Variants in SYT2 observed in about 807,000 individuals in gnomAD.
SYT2 encodes synaptotagmin-2.
In SYT2, 15 loss-of-function variants were observed where a neutral mutation model predicts 39.9. The observed-to-expected ratio is 0.38, with a 90% CI of 0.25 to 0.58. The LOEUF is 0.58. Ranked by LOEUF, SYT2 falls within the 20% of genes least tolerant of loss-of-function variation. SYT2 has a pLI of 0.70. For synonymous variants in SYT2, 181 were observed against 204.5 expected (o/e 0.89, Z 0.98); for missense variants, 389 against 530.3 (o/e 0.73, Z 2.62).
In SYT2 at chr1:202,652,824, CTGAGCTCCAGA is replaced by C. The variant is rs547837300; in HGVS notation, c.-17-47046_-17-47036del. ...GACTTGGATTAATTACTTAAACTCT[CTGAGCTCCAGA>C]TGAGCTCCAGTTTCCTTTTCTCAAG... On this transcript the variant is annotated intron_variant, in intron 1 of 8. Coordinates refer to ENST00000367268, the MANE Select transcript of SYT2 (RefSeq NM_177402.5). Among the ~76,000 whole-genome samples, 466 of 152,320 alleles carry C rather than the reference CTGAGCTCCAGA, an allele frequency of 3.1e-3. 1 individual carries two copies. The highest frequency in any genetic ancestry group is 0.01 in the African/African-American group (421 of 41,558).
rs1315072600 is a variant in SYT2, at chr1:202,593,929, C to T, written c.*2828G>A. ...CTAACTCTATCCTGCTTAGTGCCTACACCCCAGTACCCTGACATCCCCAGA... is the reference window on the plus strand; with the variant it reads ...CTAACTCTATCCTGCTTAGTGCCTATACCCCAGTACCCTGACATCCCCAGA... On this transcript the variant is annotated 3_prime_UTR_variant, in exon 9 of 9. Coordinates refer to ENST00000367268, the MANE Select transcript of SYT2 (RefSeq NM_177402.5). 1 of 152,240 alleles carries T rather than the reference C, an allele frequency of 6.6e-6. No homozygotes were observed. The highest frequency in any genetic ancestry group is 2.4e-5 in the African/African-American group (1 of 41,398). 9.4% of individuals were successfully genotyped at this position (152,240 alleles called of 1,614,324 possible).
chr1:202,611,327 T>C (rs1355098592), intron 1 of SYT2, among the ~76,000 whole-genome samples: 1 of 152,220 alleles, frequency 6.6e-6, no homozygotes, highest in Non-Finnish European at 1.5e-5. Flanking sequence ...TCTAGGGTTA[T>C]ATTTTCATTT....
At chr1:202,682,139 G>A (rs768289977) in intron 1 of SYT2, among the ~76,000 whole-genome samples, 5 of 152,200 alleles carry the variant, frequency 3.3e-5, no homozygotes, top group Admixed American at 6.5e-5. Context: ...TGACCTCTTG[G>A]AGGTTAGGTA....
chr1:202,612,921 G>A (rs1690925141), intron 1 of SYT2, among the ~76,000 whole-genome samples: 1 of 151,710 alleles, frequency 6.6e-6, no homozygotes, highest in African/African-American at 2.4e-5. Context: ...TTTGTTCCTA[G>A]GTATCTTATT....
chr1:202,596,661 G>GA lies in SYT2; in HGVS notation c.*95dup, dbSNP rs1391650461. On this transcript the variant is annotated 3_prime_UTR_variant, in exon 9 of 9. Coordinates refer to ENST00000367268, the MANE Select transcript of SYT2 (RefSeq NM_177402.5). Reference sequence around the variant, plus strand: ...GGACACAACCACCCAACAAATGAAAGAAAAAAGAAAACCTCTAAGGTTGCA... The same window carrying GA: ...GGACACAACCACCCAACAAATGAAAGAAAAAAAGAAAACCTCTAAGGTTGCA... 25 of 1,242,102 alleles carry GA rather than the reference G, an allele frequency of 2.0e-5. No homozygotes were observed. Among genetic ancestry groups the GA allele is most frequent in the Non-Finnish European group, 2.7e-5 (24 of 899,918 alleles). The allele number at this position is 1,242,102 out of a possible 1,614,324, so 76.9% of individuals were successfully genotyped here.
chr1:202,607,151 C>A (rs1419473077), intron 1 of SYT2, among the ~76,000 whole-genome samples: 1 of 152,198 alleles, frequency 6.6e-6, no homozygotes, highest in Non-Finnish European at 1.5e-5. Context: ...CAAGCTCTTT[C>A]TGCTCCTCAG....
Position 202,683,740 on chromosome 1 carries a change from T to TAA in SYT2, c.-18+26516_-18+26517dup, listed in dbSNP as rs36091072. 6.8e-3 allele frequency among the ~76,000 whole-genome samples: 906 copies of TAA among 132,552 alleles called. 12 individuals carry two copies. Among genetic ancestry groups the TAA allele is most frequent in the African/African-American group, 0.012 (436 of 35,158 alleles). 87.0% of individuals were successfully genotyped at this position (132,552 alleles called of 152,430 possible). On this transcript the variant is annotated intron_variant, in intron 1 of 8. Transcript: ENST00000367268. ...ATGGATGACAGAGTGAGACCCTGTTTAAAAAAAAAAAAAAAAAGAGTGTAT... is the reference window on the plus strand; with the variant it reads ...ATGGATGACAGAGTGAGACCCTGTTTAAAAAAAAAAAAAAAAAAAGAGTGTAT...
intron 1 of SYT2, among the ~76,000 whole-genome samples, chr1:202,687,666 C>CAAAAAAAAAAAAA (rs59844832): frequency 1.2e-5 from 1 of 83,992 alleles, no homozygotes; most frequent in Non-Finnish European, 2.3e-5. Flanking sequence ...AACTCCATCT[C>CAAAAAAAAAAAAA]AAAAAAAAAA....
intron 1 of SYT2, among the ~76,000 whole-genome samples, chr1:202,629,894 G>A (rs1217872409): frequency 7.4e-5 from 8 of 108,524 alleles, no homozygotes; most frequent in Non-Finnish European, 1.7e-4. Context: ...TACGGCAGGT[G>A]TGTTGCTCAG....
intron 1 of SYT2, among the ~76,000 whole-genome samples, chr1:202,678,377 C>T (rs554001246): frequency 1.0e-3 from 155 of 148,074 alleles, no homozygotes; most frequent in African/African-American, 3.7e-3. Context: ...TATGGCACTG[C>T]AAAGATTCTA....
intron 3 of SYT2, 96 bp downstream of exon 3, chr1:202,604,359 G>T: frequency 2.4e-6 from 3 of 1,274,764 alleles, no homozygotes; most frequent in Non-Finnish European, 3.3e-6. Context: ...GAGCAGGTTT[G>T]GCTGTGGAAG....
chr1:202,653,658 G>A (rs1692230327), intron 1 of SYT2, among the ~76,000 whole-genome samples: 3 of 152,218 alleles, frequency 2.0e-5, no homozygotes, highest in Admixed American at 2.0e-4. Flanking sequence ...TCATTTTCCA[G>A]ACAGGGAAAC....
At chr1:202,604,901 A>G in intron 2 of SYT2, 1 of 364,554 alleles carries the variant, frequency 2.7e-6, no homozygotes, top group Non-Finnish European at 4.8e-6. Context: ...AGGTGGATGC[A>G]TGGAAGAATA....
chr1:202,608,271 T>C (rs1340312055), intron 1 of SYT2, among the ~76,000 whole-genome samples: 1 of 145,712 alleles, frequency 6.9e-6, no homozygotes, highest in Admixed American at 7.5e-5. Context: ...TTCCATTGTG[T>C]AGATAGAAAA....
intron 1 of SYT2, among the ~76,000 whole-genome samples, chr1:202,696,194 T>C (rs1173636065): frequency 6.6e-6 from 1 of 152,108 alleles, no homozygotes; most frequent in Non-Finnish European, 1.5e-5. Context: ...AGCCAGAAAT[T>C]CCAGTCCCCT....
intron 1 of SYT2, among the ~76,000 whole-genome samples, chr1:202,642,565 CAG>C (rs1464934329): frequency 6.6e-6 from 1 of 152,214 alleles, no homozygotes; most frequent in African/African-American, 2.4e-5. Flanking sequence ...CTCCAATGCA[CAG>C]AGCCGTGGCG....
At chr1:202,691,719 GAGGGAGAGGGGGGGAGAGAGAGAGAGA>G (rs1653829607) in intron 1 of SYT2, among the ~76,000 whole-genome samples, 6 of 43,274 alleles carry the variant, frequency 1.4e-4, no homozygotes, top group Admixed American at 2.4e-4. Flanking sequence ...GGGAGAGGGA[GAGGGAGAGGGGGGGAGAGAGAGAGAGA>G]GAGAGAGAGA....
At chr1:202,644,591 C>T (rs1422830919) in intron 1 of SYT2, among the ~76,000 whole-genome samples, 1 of 152,134 alleles carries the variant, frequency 6.6e-6, no homozygotes, top group Non-Finnish European at 1.5e-5. Context: ...GCCTCTCCTT[C>T]ACCCTCCATG....
intron 1 of SYT2, among the ~76,000 whole-genome samples, chr1:202,705,801 G>T (rs1460667583): frequency 6.6e-6 from 1 of 150,488 alleles, no homozygotes; most frequent in South Asian, 2.1e-4. Context: ...CTGCAGTCTC[G>T]ACCTCCTGGG....
Sources: gnomAD v4.1 joint callset for allele counts (sites outside exome capture counted in the v4.1 genomes callset) on GRCh38, gnomAD v4.1.1 for gene constraint, MANE v1.5 for transcripts, NCBI Gene and HGNC (gene_info 2026-07-23, HGNC 2026-07-21) for gene names.